The following PAK2 variants were observed in gnomAD, a reference collection of about 807,000 sequenced individuals.
PAK2 encodes the protein serine/threonine-protein kinase PAK 2.
PAK2 carries 21 observed loss-of-function variants against 65.9 expected under a neutral mutation model. That is an observed-to-expected ratio of 0.32 (90% CI 0.23 to 0.46). PAK2 has a LOEUF of 0.46. Among genes scored for constraint, PAK2 ranks in the 20% least tolerant of loss-of-function variants. The pLI is 1.00. For synonymous variants in PAK2, 204 were observed against 219.7 expected, an observed-to-expected ratio of 0.93 and a Z score of 0.63; for missense variants, 324 against 642.6, an observed-to-expected ratio of 0.50 and a Z score of 5.36.
chr3:196,765,175 T>A (rs1714122353), intron 1 of PAK2, among the ~76,000 whole-genome samples: 1 of 135,218 alleles, frequency 7.4e-6, no homozygotes, highest in Non-Finnish European at 1.5e-5. Context: ...TGAGACAGGG[T>A]CTCGCTCTGT....
chr3:196,745,216 G>A (rs1348294009), intron 1 of PAK2, among the ~76,000 whole-genome samples: 1 of 149,794 alleles, frequency 6.7e-6, no homozygotes, highest in African/African-American at 2.5e-5. Context: ...CCGGGTTCAA[G>A]TGATTCCCCT....
intron 8 of PAK2, 65 bp downstream of exon 8, chr3:196,810,718 A>G (rs909929720): frequency 3.5e-6 from 3 of 865,810 alleles, no homozygotes; most frequent in Non-Finnish European, 4.0e-6. Context: ...TTATAGCATG[A>G]TGTTTATTTT....
chr3:196,744,698 TTAAG>T (rs1212336706), intron 1 of PAK2, among the ~76,000 whole-genome samples: 2 of 152,224 alleles, frequency 1.3e-5, no homozygotes, highest in Non-Finnish European at 2.9e-5. Context: ...AATCTGATCA[TTAAG>T]TATTGTTTTC....
chr3:196,757,809 C>T (rs754689436), intron 1 of PAK2, among the ~76,000 whole-genome samples: 9 of 152,120 alleles, frequency 5.9e-5, no homozygotes, highest in Non-Finnish European at 8.8e-5. Context: ...CGAGAATACT[C>T]GCGTTAGATA....
chr3:196,760,642 GACC>G lies in PAK2; in HGVS notation c.-22+20486_-22+20488del, dbSNP rs1374180913. On this transcript the variant is annotated intron_variant, in intron 1 of 14. Coordinates refer to ENST00000327134, the MANE Select transcript of PAK2 (RefSeq NM_002577.4). ...AGCCGCATTATGGGCCTGTAACCAT[GACC>G]GGTCTGTGAGTTTGAGCAGTTTGAA... 2.0e-5 allele frequency among the ~76,000 whole-genome samples: 3 copies of G among 152,290 alleles called. No homozygotes were observed. The South Asian group carries it at 6.2e-4, about 32-fold the overall frequency.
At chr3:196,764,814 G>T (rs1270220854) in intron 1 of PAK2, among the ~76,000 whole-genome samples, 1 of 149,534 alleles carries the variant, frequency 6.7e-6, no homozygotes, top group Non-Finnish European at 1.5e-5. Context: ...TCACTGCACC[G>T]ACCCCAAATT....
intron 2 of PAK2, among the ~76,000 whole-genome samples, chr3:196,794,239 T>C (rs979187038): frequency 4.6e-4 from 70 of 152,208 alleles, no homozygotes; most frequent in African/African-American, 1.6e-3. Context: ...GACAATTAAG[T>C]GGAGGACATA....
intron 13 of PAK2, among the ~76,000 whole-genome samples, chr3:196,821,028 C>T (rs573533052): frequency 1.2e-4 from 18 of 152,134 alleles, no homozygotes; most frequent in African/African-American, 3.6e-4. Context: ...TTCATAGAGA[C>T]GGGGTCTCTC....
At chr3:196,802,164 C>T (rs1715440501) in intron 3 of PAK2, 137 bp downstream of exon 3, 14 of 628,400 alleles carry the variant, frequency 2.2e-5, no homozygotes, top group Admixed American at 1.2e-4. Context: ...TTTGGGAGGC[C>T]AAGGCTGGCA....
chr3:196,762,272 A>G (rs7643878), intron 1 of PAK2, among the ~76,000 whole-genome samples: 29,565 of 91,192 alleles, frequency 0.32, 4,008 homozygotes, highest in Non-Finnish European at 0.39. Context: ...AGGCAGAGAC[A>G]CTCCTCACTT....
At chr3:196,779,354 TC>T (rs1475377708) in intron 1 of PAK2, among the ~76,000 whole-genome samples, 1 of 152,208 alleles carries the variant, frequency 6.6e-6, no homozygotes, top group Non-Finnish European at 1.5e-5. Flanking sequence ...TTTAAAGTGC[TC>T]CCTTGCCTTC....
chr3:196,807,787 C>T lies in PAK2; in HGVS notation c.582C>T (p.Tyr194=), dbSNP rs73074693. 8.6e-4 allele frequency: 1,373 copies of T among 1,593,470 alleles called. 14 individuals are homozygous for T. In the African/African-American group the frequency reaches 0.017, roughly 19 times the overall value. ...APRPDHTKSI[Y]TRSVIDPVPA... is the part of the protein sequence containing the mutation. ...AATGAACTGTGTCTCCACAGATTTA[C>T]ACACGGTCTGTAATTGACCCTGTTC... Residue 194 remains tyrosine, a synonymous_variant, in exon 7 of 15, where the codon TAC becomes TAT. Transcript: ENST00000327134.
At chr3:196,752,807 G>A (rs1713646650) in intron 1 of PAK2, among the ~76,000 whole-genome samples, 4 of 151,302 alleles carry the variant, frequency 2.6e-5, no homozygotes, top group African/African-American at 9.8e-5. Flanking sequence ...TGTCGTGTTG[G>A]TCTCAAACTC....
At chr3:196,802,975 T>C (rs1189343052) in intron 3 of PAK2, 42 bp from the exon 4 acceptor site, 1 of 1,363,454 alleles carries the variant, frequency 7.3e-7, no homozygotes, top group Non-Finnish European at 9.8e-7. Flanking sequence ...TTTTATTGCA[T>C]CAATTTAAAC....
At chr3:196,783,579 C>CA (rs11417269) in intron 2 of PAK2, among the ~76,000 whole-genome samples, 43,217 of 114,588 alleles carry the variant, frequency 0.38, 7,488 homozygotes, top group Non-Finnish European at 0.43. Flanking sequence ...GAGACTCTCT[C>CA]AAAAAAAAAA....
intron 2 of PAK2, among the ~76,000 whole-genome samples, chr3:196,798,516 G>A (rs938507917): frequency 1.3e-5 from 2 of 151,894 alleles, no homozygotes; most frequent in Non-Finnish European, 2.9e-5. Context: ...GCTAATTATT[G>A]TATTTTTAGT....
intron 1 of PAK2, among the ~76,000 whole-genome samples, chr3:196,771,810 A>G (rs1714369595): frequency 6.6e-6 from 1 of 152,034 alleles, no homozygotes; most frequent in Non-Finnish European, 1.5e-5. Flanking sequence ...CACCCGCCTA[A>G]GCCTCCCAAA....
At position 196,825,988 on chromosome 3, in the gene PAK2, C is replaced by A. The variant is rs535545443; in HGVS notation, c.1351-1208C>A. Among the ~76,000 whole-genome samples the A allele has an allele frequency of 1.3e-4, 19 of 148,736 alleles. No individual in the cohort carries two copies. In the South Asian group the frequency reaches 4.1e-3, roughly 32 times the overall value. The stretch of plus-strand genomic sequence containing the variant: ...CCTCCCGAGTAGCTGGAACTACAGG[C>A]ATGTGCCACCACACCCAGCTAATTG... On this transcript the variant is annotated intron_variant, in intron 13 of 14. Coordinates refer to ENST00000327134, the MANE Select transcript of PAK2 (RefSeq NM_002577.4).
At chr3:196,772,499 A>C (rs922935463) in intron 1 of PAK2, among the ~76,000 whole-genome samples, 3 of 152,148 alleles carry the variant, frequency 2.0e-5, no homozygotes, top group Non-Finnish European at 4.4e-5. Context: ...TTTGAAGCGA[A>C]GTTTTAGTTT....
Sources: gnomAD v4.1 joint callset for allele counts (sites outside exome capture counted in the v4.1 genomes callset) on GRCh38, gnomAD v4.1.1 for gene constraint, MANE v1.5 for transcripts, NCBI Gene and HGNC (gene_info 2026-07-23, HGNC 2026-07-21) for gene names.